Variants in USP48 observed in about 807,000 individuals in gnomAD.
USP48 encodes ubiquitin specific peptidase 48.
USP48 carries 43 observed loss-of-function variants against 150.7 expected under a neutral mutation model. The observed-to-expected ratio is 0.29, with a 90% CI of 0.22 to 0.37. The LOEUF is 0.37. USP48 is among the 10% of genes least tolerant of loss of function. The probability of loss-of-function intolerance (pLI) is 1.00; values close to 1 mark genes in which losing one functional copy is unlikely to be tolerated. For missense variants in USP48, 813 were observed against 1,249.6 expected (o/e 0.65, Z 5.27); for synonymous variants, 396 against 425.9 (o/e 0.93, Z 0.86).
chr1:21,763,971 G>A (rs898572231), intron 1 of USP48, among the ~76,000 whole-genome samples: 2 of 152,164 alleles, frequency 1.3e-5, no homozygotes, highest in Non-Finnish European at 2.9e-5. Context: ...TCTCCCATTC[G>A]TCATTCTCCA....
At chr1:21,771,346 C>T (rs1047650001) in intron 1 of USP48, among the ~76,000 whole-genome samples, 2 of 150,124 alleles carry the variant, frequency 1.3e-5, no homozygotes, top group Admixed American at 1.3e-4. Flanking sequence ...TGCAATCTAG[C>T]CTGGGCGACA....
intron 11 of USP48, chr1:21,724,693 A>G (rs554327843): frequency 6.5e-6 from 1 of 153,620 alleles, no homozygotes; most frequent in South Asian, 2.1e-4. Context: ...AATCCAAGTC[A>G]TGATCTCTTC....
intron 6 of USP48, among the ~76,000 whole-genome samples, chr1:21,751,251 C>G (rs1428752531): frequency 4.6e-5 from 7 of 152,162 alleles, no homozygotes; most frequent in Non-Finnish European, 8.8e-5. Context: ...ACCCCACTAC[C>G]CACAATCACA....
chr1:21,690,183 C>CT lies in USP48; in HGVS notation c.2884-85dup. On this transcript the variant is annotated intron_variant, in intron 23 of 26. Transcript: ENST00000308271. The stretch of plus-strand genomic sequence containing the variant: ...TATTTAAATAAATTATGCATGGATT[C>CT]TTAAAAAAAAAAAAAAGGCTTCAGA... The CT allele has an allele frequency of 6.9e-6, 6 of 870,662 alleles. No homozygotes were observed. In the East Asian group the frequency reaches 1.9e-4, roughly 28 times the overall value. The allele number at this position is 870,662 out of a possible 1,614,324, so 53.9% of individuals were successfully genotyped here. A position where few individuals can be genotyped will look rare whatever the true frequency, so the allele number is the denominator to read the frequency against.
At chr1:21,756,772 C>A in intron 2 of USP48, 70 bp from the exon 3 acceptor site, 1 of 1,576,010 alleles carries the variant, frequency 6.3e-7, no homozygotes, top group Non-Finnish European at 8.6e-7. Flanking sequence ...AAGCATTATT[C>A]TTAAATTTTC....
At chr1:21,693,365 A>T (rs1176157743) in intron 23 of USP48, among the ~76,000 whole-genome samples, 1 of 152,184 alleles carries the variant, frequency 6.6e-6, no homozygotes. Flanking sequence ...ATAGGCTCAC[A>T]TCTAGTTGAA....
At chr1:21,727,467 A>C (rs1314356944) in intron 11 of USP48, among the ~76,000 whole-genome samples, 4 of 152,210 alleles carry the variant, frequency 2.6e-5, no homozygotes, top group African/African-American at 9.6e-5. Context: ...CTATAGTTCT[A>C]AAGAGTGGTT....
At position 21,751,509 on chromosome 1, in the gene USP48, T is replaced by C. The variant is rs1197346364; in HGVS notation, c.772A>G (p.Lys258Glu). ...QLTDCISEFL[K>E]EEKLEGDNRY... ...TACATACACCAAAATTTGAATACCT[T>C]CAAAAATTCCGAGATACAATCTGTT... The change falls in exon 6 of 27, where the codon AAG (lysine) becomes GAG (glutamate). Residue 258 changes from lysine to glutamate, a missense_variant and splice_region_variant. Physicochemically the swap from Lys to Glu is moderately conservative, Grantham distance 56. Transcript: ENST00000308271. The C allele has an allele frequency of 6.2e-7, 1 of 1,612,770 alleles. No homozygotes were observed. The highest frequency in any genetic ancestry group is 8.5e-7 in the Non-Finnish European group (1 of 1,179,218).
At chr1:21,707,108 GA>G (rs757015428) in intron 15 of USP48, among the ~76,000 whole-genome samples, 1 of 150,822 alleles carries the variant, frequency 6.6e-6, no homozygotes, top group African/African-American at 2.4e-5. Flanking sequence ...GTCTGTGATT[GA>G]AAAAAAAATC....
intron 11 of USP48, chr1:21,728,052 G>A: frequency 1.0e-6 from 1 of 985,514 alleles, no homozygotes. Context: ...AAAGGGATAA[G>A]CTGGATTATG....
intron 9 of USP48, among the ~76,000 whole-genome samples, chr1:21,732,369 T>C (rs2097759079): frequency 6.6e-6 from 1 of 152,158 alleles, no homozygotes; most frequent in Non-Finnish European, 1.5e-5. Flanking sequence ...TGGATCTGCC[T>C]CAACACTGAG....
chr1:21,681,752 G>A (rs556331241), intron 25 of USP48, among the ~76,000 whole-genome samples: 21 of 152,110 alleles, frequency 1.4e-4, no homozygotes, highest in Non-Finnish European at 2.8e-4. Context: ...ATGCCTTGGT[G>A]CACCTTGGTT....
chr1:21,712,360 A>G (rs1244366293), intron 15 of USP48, among the ~76,000 whole-genome samples: 1 of 152,206 alleles, frequency 6.6e-6, no homozygotes, highest in Non-Finnish European at 1.5e-5. Flanking sequence ...CGCCATCTCA[A>G]AAAAAACCAA....
intron 22 of USP48, 93 bp from the exon 23 acceptor site, chr1:21,695,314 CT>C (rs2097624092): frequency 2.3e-6 from 3 of 1,332,266 alleles, no homozygotes; most frequent in Non-Finnish European, 3.0e-6. Context: ...AAGCTGTTTC[CT>C]TATTGGTCCC....
chr1:21,779,981 G>A (rs910418213), intron 1 of USP48, among the ~76,000 whole-genome samples: 2 of 152,108 alleles, frequency 1.3e-5, no homozygotes, highest in Admixed American at 6.6e-5. Context: ...AATGTAAATC[G>A]GTACAACCAC....
chr1:21,739,765 G>C (rs1304259117), intron 8 of USP48, among the ~76,000 whole-genome samples: 1 of 152,130 alleles, frequency 6.6e-6, no homozygotes, highest in Non-Finnish European at 1.5e-5. Context: ...CCGAAGCTTT[G>C]TACTCTTTGA....
chr1:21,695,248 A>G, intron 22 of USP48, 27 bp from the exon 23 acceptor site: 1 of 1,574,104 alleles, frequency 6.4e-7, no homozygotes, highest in Non-Finnish European at 8.6e-7. Flanking sequence ...AAATGAAGAA[A>G]GCACTGAAAT....
At chr1:21,736,271 C>T (rs2097768789) in intron 9 of USP48, among the ~76,000 whole-genome samples, 175 bp downstream of exon 9, 1 of 151,950 alleles carries the variant, frequency 6.6e-6, no homozygotes, top group African/African-American at 2.4e-5. Flanking sequence ...GAACCGGACT[C>T]GAAAAACAAG....
At chr1:21,709,135 C>A (rs1226489465) in intron 15 of USP48, among the ~76,000 whole-genome samples, 1 of 151,930 alleles carries the variant, frequency 6.6e-6, no homozygotes, top group Non-Finnish European at 1.5e-5. Context: ...ACCGTCCTAC[C>A]TCAGCCTCCA....
Sources: gnomAD v4.1 joint callset for allele counts (sites outside exome capture counted in the v4.1 genomes callset) on GRCh38, gnomAD v4.1.1 for gene constraint, MANE v1.5 for transcripts, NCBI Gene and HGNC (gene_info 2026-07-23, HGNC 2026-07-21) for gene names.